Variants in CENPP observed in about 807,000 individuals in gnomAD.
CENPP encodes centromere protein P.
CENPP carries 24 observed loss-of-function variants against 35.6 expected under a neutral mutation model. The ratio of observed to expected loss-of-function variants is 0.67; its 90% CI spans 0.49 to 0.95. The LOEUF is 0.95. Ranked by LOEUF, CENPP falls within the 40% of genes least tolerant of loss-of-function variation. CENPP has a pLI of 0.00. For missense variants in CENPP, 332 were observed against 345.3 expected, an observed-to-expected ratio of 0.96 and a Z score of 0.31; for synonymous variants, 120 against 125.5, an observed-to-expected ratio of 0.96 and a Z score of 0.29.
At chr9:92,592,860 T>C (rs1331093740) in intron 5 of CENPP, among the ~76,000 whole-genome samples, 2 of 152,256 alleles carry the variant, frequency 1.3e-5, no homozygotes, top group African/African-American at 4.8e-5. Flanking sequence ...TGCACAGTGC[T>C]GATTTTGTTC....
intron 5 of CENPP, among the ~76,000 whole-genome samples, chr9:92,518,249 T>C (rs1331937048): frequency 1.3e-5 from 2 of 152,264 alleles, no homozygotes; most frequent in Middle Eastern, 3.2e-3. Flanking sequence ...CAGCTCATCA[T>C]ATTCACTCAG....
At chr9:92,381,788 T>G (rs1842252643) in intron 5 of CENPP, among the ~76,000 whole-genome samples, 1 of 152,222 alleles carries the variant, frequency 6.6e-6, no homozygotes, top group South Asian at 2.1e-4. Context: ...CTATGTTTAA[T>G]TATTTGAAGA....
intron 5 of CENPP, chr9:92,500,838 T>C: frequency 6.2e-7 from 1 of 1,614,218 alleles, no homozygotes; most frequent in Non-Finnish European, 8.5e-7. Flanking sequence ...CAGAGAATGA[T>C]ATGCCCCATA....
At chr9:92,464,655 A>G (rs1564335197) in intron 5 of CENPP, 7 of 572,100 alleles carry the variant, frequency 1.2e-5, no homozygotes, top group Non-Finnish European at 2.0e-5. Flanking sequence ...AAATGAGTAA[A>G]TGTCAGGAAA....
intron 5 of CENPP, among the ~76,000 whole-genome samples, chr9:92,433,095 C>G (rs527700422): frequency 6.6e-6 from 1 of 152,064 alleles, no homozygotes; most frequent in Non-Finnish European, 1.5e-5. Flanking sequence ...CAGAATACCA[C>G]GCAATGAATA....
chr9:92,510,077 G>T, intron 5 of CENPP: 1 of 1,562,742 alleles, frequency 6.4e-7, no homozygotes, highest in South Asian at 1.2e-5. Context: ...TCTAGTCACA[G>T]CTGTGCAGTC....
At chr9:92,474,642 C>A (rs938973178) in intron 5 of CENPP, 2 of 1,612,608 alleles carry the variant, frequency 1.2e-6, no homozygotes, top group African/African-American at 2.7e-5. Context: ...GAGCAATGTA[C>A]AACTCGTGAA....
At chr9:92,577,304 A>T (rs1264950594) in intron 5 of CENPP, among the ~76,000 whole-genome samples, 1 of 152,190 alleles carries the variant, frequency 6.6e-6, no homozygotes, top group Non-Finnish European at 1.5e-5. Context: ...ACTTGAGGCC[A>T]GGAGTTCAAG....
At chr9:92,455,846 C>T (rs1844860478) in intron 5 of CENPP, among the ~76,000 whole-genome samples, 1 of 152,108 alleles carries the variant, frequency 6.6e-6, no homozygotes, top group African/African-American at 2.4e-5. Flanking sequence ...CAGAGGCGGG[C>T]AGATCACGAG....
intron 5 of CENPP, among the ~76,000 whole-genome samples, chr9:92,516,124 C>T (rs532333623): frequency 2.2e-4 from 34 of 151,494 alleles, no homozygotes; most frequent in South Asian, 1.7e-3. Context: ...AATGCAGTGG[C>T]ATGATCTCGG....
intron 5 of CENPP, chr9:92,496,608 T>C (rs1238760163): frequency 2.3e-5 from 27 of 1,196,370 alleles, no homozygotes; most frequent in Non-Finnish European, 3.0e-5. Flanking sequence ...TAGACCAGAA[T>C]AAATTCCAAC....
At chr9:92,471,985 A>G (rs150952503) in intron 5 of CENPP, among the ~76,000 whole-genome samples, 28 of 152,294 alleles carry the variant, frequency 1.8e-4, no homozygotes, top group Admixed American at 4.6e-4. Context: ...AATAGCCAAA[A>G]ATTGAAGAAT....
intron 5 of CENPP, chr9:92,509,779 T>C: frequency 7.2e-6 from 8 of 1,111,930 alleles, no homozygotes; most frequent in Non-Finnish European, 9.8e-6. Flanking sequence ...ACTCAAATGG[T>C]TAAGTGACCT....
At chr9:92,472,027 A>G (rs1393686582) in intron 5 of CENPP, among the ~76,000 whole-genome samples, 3 of 152,202 alleles carry the variant, frequency 2.0e-5, no homozygotes, top group South Asian at 2.1e-4. Context: ...TCAACATTCT[A>G]TCCTACAGCT....
rs538002157 is a variant in CENPP at position 92,552,531 on chromosome 9, G to A, written c.565-58783G>A. On this transcript the variant is annotated intron_variant, in intron 5 of 7. Coordinates refer to ENST00000375587, the MANE Select transcript of CENPP (RefSeq NM_001012267.3). ...ACTGTTTTTTGATTTTTTTATTATGGCCATTCTTGTAGGAGTAAGGTGGTA... is the reference window on the plus strand; with the variant it reads ...ACTGTTTTTTGATTTTTTTATTATGACCATTCTTGTAGGAGTAAGGTGGTA... 5.9e-5 allele frequency among the ~76,000 whole-genome samples: 9 copies of A among 152,010 alleles called. No individual in the cohort carries two copies. In the East Asian group the frequency reaches 1.2e-3, roughly 20 times the overall value.
chr9:92,410,091 C>T (rs1278093734), intron 5 of CENPP, among the ~76,000 whole-genome samples: 4 of 152,142 alleles, frequency 2.6e-5, no homozygotes, highest in African/African-American at 9.6e-5. Flanking sequence ...TGCGTACCAC[C>T]GCGCCTGGCT....
At chr9:92,506,395 C>T (rs946870406) in intron 5 of CENPP, among the ~76,000 whole-genome samples, 2 of 152,126 alleles carry the variant, frequency 1.3e-5, no homozygotes, top group African/African-American at 4.8e-5. Flanking sequence ...ATTTTTTCTA[C>T]TTTGTTTCTA....
intron 5 of CENPP, among the ~76,000 whole-genome samples, chr9:92,380,087 A>G (rs1200459397): frequency 2.6e-5 from 4 of 152,224 alleles, no homozygotes; most frequent in Non-Finnish European, 5.9e-5. Context: ...GGTTATATTC[A>G]AATTTATTTA....
rs148615851 is a variant in CENPP at position 92,601,345 on chromosome 9, G to A, written c.565-9969G>A. The stretch of plus-strand genomic sequence containing the variant: ...GGGGATTTCTGTTAACATTTCAGTC[G>A]GACGCTGTGTCAGTGAGGGACTCTC... On this transcript the variant is annotated intron_variant, in intron 5 of 7. Transcript: ENST00000375587. Among the ~76,000 whole-genome samples, 305 of 152,256 alleles carry A rather than the reference G, an allele frequency of 2.0e-3. 1 individual carries two copies. The highest frequency in any genetic ancestry group is 6.7e-3 in the African/African-American group (280 of 41,546).
Sources: gnomAD v4.1 joint callset for allele counts (sites outside exome capture counted in the v4.1 genomes callset) on GRCh38, gnomAD v4.1.1 for gene constraint, MANE v1.5 for transcripts, NCBI Gene and HGNC (gene_info 2026-07-23, HGNC 2026-07-21) for gene names.